The following FTCDNL1 variants were observed in gnomAD, a reference collection of about 807,000 sequenced individuals.
The protein encoded by FTCDNL1 is formiminotransferase cyclodeaminase N-terminal like, also known as formiminotransferase N-terminal subdomain-containing protein.
FTCDNL1 carries 11 observed loss-of-function variants against 5.9 expected under a neutral mutation model. The observed-to-expected ratio is 1.87, with a 90% CI of 1.18 to 3.10. The LOEUF is 3.10. FTCDNL1 is among the 30% of genes most tolerant of loss of function. The pLI is 0.00. For missense variants in FTCDNL1, 115 were observed against 65.5 expected, an observed-to-expected ratio of 1.76 and a Z score of -2.61; for synonymous variants, 58 against 24.8, an observed-to-expected ratio of 2.34 and a Z score of -3.99.
the FTCDNL1 span, among the ~76,000 whole-genome samples, chr2:199,731,998 A>G: frequency 1.3e-5 from 2 of 152,110 alleles, no homozygotes; most frequent in Non-Finnish European, 2.9e-5. Flanking sequence ...TTGTTTTTTC[A>G]AAGTCTCCAG....
intron 3 of FTCDNL1, among the ~76,000 whole-genome samples, chr2:199,832,035 T>C (rs763576422): frequency 4.6e-5 from 7 of 152,168 alleles, no homozygotes; most frequent in Non-Finnish European, 7.3e-5. Flanking sequence ...TGAAAGTATA[T>C]AGTATATCAG....
intron 3 of FTCDNL1, among the ~76,000 whole-genome samples, chr2:199,772,845 G>A (rs532986920): frequency 1.3e-5 from 2 of 152,300 alleles, no homozygotes; most frequent in Admixed American, 6.5e-5. Flanking sequence ...TGAGAAAGAT[G>A]GGAAAGAGCA....
the FTCDNL1 span, among the ~76,000 whole-genome samples, chr2:199,723,566 C>G: frequency 6.6e-6 from 1 of 152,020 alleles, no homozygotes; most frequent in East Asian, 1.9e-4. Flanking sequence ...CCTTCAATAC[C>G]TAGTTTATTG....
At chr2:199,795,807 G>A (rs1700143026) in intron 3 of FTCDNL1, among the ~76,000 whole-genome samples, 1 of 152,086 alleles carries the variant, frequency 6.6e-6, no homozygotes, top group South Asian at 2.1e-4. Context: ...AGAAATGTTT[G>A]TCTTTCTGAT....
chr2:199,741,786 T>C, the FTCDNL1 span, among the ~76,000 whole-genome samples: 1 of 152,202 alleles, frequency 6.6e-6, no homozygotes, highest in Non-Finnish European at 1.5e-5. Flanking sequence ...CCTCTTGACA[T>C]ATTAATGCTC....
At chr2:199,677,892 G>A in the FTCDNL1 span, among the ~76,000 whole-genome samples, 2 of 152,142 alleles carry the variant, frequency 1.3e-5, no homozygotes, top group Non-Finnish European at 1.5e-5. Flanking sequence ...GCTAATAGAT[G>A]AGAGAAACAG....
rs528518886 is a variant in FTCDNL1 at position 199,844,085 on chromosome 2, G to C, written c.211+1990C>G. On this transcript the variant is annotated intron_variant, in intron 3 of 4. Coordinates refer to ENST00000420128, the MANE Select transcript of FTCDNL1 (RefSeq NM_001363886.2). ...ACACACCATCATTCTGCCCTGAAGA[G>C]CCTAAAAGACTTACTAGAAACTGCT... 1.1e-4 allele frequency among the ~76,000 whole-genome samples: 17 copies of C among 152,068 alleles called. No individual in the cohort carries two copies. In the East Asian group the frequency reaches 3.1e-3, roughly 28 times the overall value.
chr2:199,750,382 A>C, the FTCDNL1 span, among the ~76,000 whole-genome samples: 4 of 151,904 alleles, frequency 2.6e-5, no homozygotes, highest in Non-Finnish European at 5.9e-5. Context: ...TAAATAAATA[A>C]ATAAATTGCA....
the FTCDNL1 span, among the ~76,000 whole-genome samples, chr2:199,688,900 ACTT>A: frequency 6.6e-6 from 1 of 152,124 alleles, no homozygotes; most frequent in South Asian, 2.1e-4. Context: ...TTTCTATAGC[ACTT>A]CTTCTGCCCT....
At chr2:199,665,477 C>T in the FTCDNL1 span, among the ~76,000 whole-genome samples, 1 of 151,478 alleles carries the variant, frequency 6.6e-6, no homozygotes, top group Admixed American at 6.6e-5. Flanking sequence ...ACTAAAAATA[C>T]AAAAAAATTA....
rs902328417 is a variant in FTCDNL1 at position 199,778,893 on chromosome 2, G to A, written c.212-18058C>T. ...TACTGACTGTAATGCTCTATAAAGCGCATGAGTAATAAATAGCTCAGGGAA... is the reference window on the plus strand; with the variant it reads ...TACTGACTGTAATGCTCTATAAAGCACATGAGTAATAAATAGCTCAGGGAA... On this transcript the variant is annotated intron_variant, in intron 3 of 3. Coordinates refer to the FTCDNL1 transcript ENST00000416668. Among the ~76,000 whole-genome samples, 9 of 152,226 alleles carry A rather than the reference G, an allele frequency of 5.9e-5. 1 individual carries two copies. Among genetic ancestry groups the A allele is most frequent in the Non-Finnish European group, 1.3e-4 (9 of 67,996 alleles).
At chr2:199,752,212 AG>A in the FTCDNL1 span, among the ~76,000 whole-genome samples, 1 of 152,088 alleles carries the variant, frequency 6.6e-6, no homozygotes, top group East Asian at 1.9e-4. Context: ...CCTGGAGCTG[AG>A]GCTGCCTCCC....
At chr2:199,705,899 A>C in the FTCDNL1 span, among the ~76,000 whole-genome samples, 1 of 152,220 alleles carries the variant, frequency 6.6e-6, no homozygotes, top group East Asian at 1.9e-4. Context: ...CTATGAAAGG[A>C]GGGCAGGAAG....
chr2:199,793,121 T>C (rs961283792), intron 3 of FTCDNL1, among the ~76,000 whole-genome samples: 1 of 152,192 alleles, frequency 6.6e-6, no homozygotes, highest in Non-Finnish European at 1.5e-5. Context: ...CAGCTCTTGA[T>C]GCTAATTGCT....
chr2:199,758,727 T>C (rs1169542125), downstream of FTCDNL1, among the ~76,000 whole-genome samples: 3 of 152,190 alleles, frequency 2.0e-5, no homozygotes, highest in Non-Finnish European at 2.9e-5. Flanking sequence ...CCCTGAAAGC[T>C]TGTAGGAAAT....
chr2:199,697,327 A>G, the FTCDNL1 span, among the ~76,000 whole-genome samples: 1,153 of 152,224 alleles, frequency 7.6e-3, 29 homozygotes, highest in Admixed American at 0.048. Flanking sequence ...ACACATAGTG[A>G]TCAGATTTTC....
chr2:199,685,923 T>C, the FTCDNL1 span, among the ~76,000 whole-genome samples: 1 of 152,246 alleles, frequency 6.6e-6, no homozygotes, highest in East Asian at 1.9e-4. Flanking sequence ...GACTTCTGTT[T>C]ACTTCATGTG....
downstream of FTCDNL1, among the ~76,000 whole-genome samples, chr2:199,808,170 G>T (rs377508064): frequency 6.6e-6 from 1 of 152,090 alleles, no homozygotes; most frequent in South Asian, 2.1e-4. Context: ...CAGAAGCCAA[G>T]CAGATGTCAG....
chr2:199,757,965 T>A (rs1698127703), downstream of FTCDNL1, among the ~76,000 whole-genome samples: 2 of 152,246 alleles, frequency 1.3e-5, no homozygotes, highest in Non-Finnish European at 2.9e-5. Flanking sequence ...TTTGGGGTGC[T>A]CCTCCACAGT....
Sources: allele counts gnomAD v4.1 joint callset (sites outside exome capture counted in the v4.1 genomes callset), GRCh38; gene constraint gnomAD v4.1.1; transcripts MANE v1.5; gene names NCBI Gene and HGNC (gene_info 2026-07-23, HGNC 2026-07-21).